CNTN4: variants seen among roughly 807,000 people sequenced by gnomAD.
CNTN4 encodes the protein contactin 4, also known as contactin-4.
In CNTN4, 77 loss-of-function variants were observed where a neutral mutation model predicts 122.5. The ratio of observed to expected loss-of-function variants is 0.63; its 90% confidence interval spans 0.52 to 0.76. CNTN4 has a LOEUF of 0.76. CNTN4 is among the 30% of genes least tolerant of loss of function. The pLI is 0.00. For missense variants in CNTN4, 1,256 were observed against 1,259.1 expected (o/e 1.00, Z 0.04); for synonymous variants, 512 against 447.0 (o/e 1.15, Z -1.83).
At chr3:3,016,550 G>C (rs1351952402) in intron 14 of CNTN4, among the ~76,000 whole-genome samples, 1 of 152,186 alleles carries the variant, frequency 6.6e-6, no homozygotes, top group Non-Finnish European at 1.5e-5. Context: ...ATTATATCTT[G>C]CTTATTAAAA....
intron 4 of CNTN4, among the ~76,000 whole-genome samples, chr3:2,597,829 C>A (rs2080843767): frequency 6.6e-6 from 1 of 152,186 alleles, no homozygotes; most frequent in Non-Finnish European, 1.5e-5. Context: ...TTGTTCCCAT[C>A]TAATCATGTG....
intron 11 of CNTN4, among the ~76,000 whole-genome samples, chr3:2,902,156 T>TTA (rs936368397): frequency 2.0e-5 from 3 of 152,098 alleles, no homozygotes; most frequent in Admixed American, 2.0e-4. Context: ...TAGTACCTCT[T>TTA]TATATATATG....
chr3:2,469,430 A>C (rs2075611009), intron 3 of CNTN4, among the ~76,000 whole-genome samples: 1 of 152,222 alleles, frequency 6.6e-6, no homozygotes. Context: ...TCATAGCTGA[A>C]CATGATGCCT....
In CNTN4 at chr3:2,453,289, C is replaced by G. The variant is rs546707811; in HGVS notation, c.-89+114056C>G. Among the ~76,000 whole-genome samples the G allele has an allele frequency of 1.9e-3, 282 of 152,000 alleles. 2 individuals carry two copies. Among genetic ancestry groups the G allele is most frequent in the African/African-American group, 6.3e-3 (261 of 41,486 alleles). On this transcript the variant is annotated intron_variant, in intron 3 of 24. Coordinates refer to ENST00000418658, the MANE Select transcript of CNTN4 (RefSeq NM_175607.3). ...CAGTTAATTCATTACCTACAGTGAA[C>G]TTTTCATGTGAATGCCAAAACATAA... is the stretch of plus-strand genomic sequence containing the variant.
intron 2 of CNTN4, among the ~76,000 whole-genome samples, chr3:2,146,042 TTACA>T (rs2035233083): frequency 6.6e-6 from 1 of 151,802 alleles, no homozygotes; most frequent in South Asian, 2.1e-4. Context: ...AAGAAAATAG[TTACA>T]TAAATTTAGA....
intron 4 of CNTN4, among the ~76,000 whole-genome samples, chr3:2,674,156 A>G (rs779968907): frequency 6.6e-6 from 1 of 152,252 alleles, no homozygotes; most frequent in African/African-American, 2.4e-5. Flanking sequence ...AAAGCAATAG[A>G]TAATTGAAGT....
chr3:3,020,244 C>A (rs1698165657), intron 14 of CNTN4, among the ~76,000 whole-genome samples: 1 of 152,096 alleles, frequency 6.6e-6, no homozygotes, highest in South Asian at 2.1e-4. Flanking sequence ...TATCTTTAAC[C>A]AACTCTCATG....
At chr3:2,210,749 G>A (rs981145170) in intron 2 of CNTN4, among the ~76,000 whole-genome samples, 3 of 152,032 alleles carry the variant, frequency 2.0e-5, no homozygotes, top group African/African-American at 4.8e-5. Flanking sequence ...TTTGTTTCAC[G>A]GCTTTCTTGA....
intron 3 of CNTN4, among the ~76,000 whole-genome samples, chr3:2,557,602 G>T (rs865889452): frequency 6.6e-6 from 1 of 151,950 alleles, no homozygotes; most frequent in African/African-American, 2.4e-5. Context: ...GGTGGCGGGC[G>T]CCTGTAGTTC....
intron 2 of CNTN4, among the ~76,000 whole-genome samples, chr3:2,209,187 A>G (rs1388327090): frequency 6.6e-6 from 1 of 152,112 alleles, no homozygotes; most frequent in Admixed American, 6.6e-5. Flanking sequence ...CCACTATTTT[A>G]CAGAGCCTCT....
chr3:2,873,932 G>A (rs1277861944), intron 8 of CNTN4, among the ~76,000 whole-genome samples: 1 of 152,144 alleles, frequency 6.6e-6, no homozygotes, highest in Non-Finnish European at 1.5e-5. Context: ...TGCAACCTTT[G>A]TGTGGTTTTG....
chr3:2,824,963 A>C (rs188051637), intron 7 of CNTN4, among the ~76,000 whole-genome samples: 1 of 152,014 alleles, frequency 6.6e-6, no homozygotes, highest in African/African-American at 2.4e-5. Flanking sequence ...GCACTGGCCA[A>C]TTGAAAATAA....
chr3:2,789,368 A>G (rs2091937117), intron 6 of CNTN4, among the ~76,000 whole-genome samples: 2 of 152,252 alleles, frequency 1.3e-5, no homozygotes, highest in East Asian at 1.9e-4. Context: ...CACCCTCATT[A>G]TTAGGAAATT....
intron 3 of CNTN4, among the ~76,000 whole-genome samples, chr3:2,571,184 A>G (rs1356840702): frequency 6.6e-6 from 1 of 152,114 alleles, no homozygotes. Flanking sequence ...TCTTGTCTTC[A>G]CTCAGAAGCC....
chr3:2,257,104 G>C (rs1447789507), intron 2 of CNTN4, among the ~76,000 whole-genome samples: 1 of 152,116 alleles, frequency 6.6e-6, no homozygotes, highest in Non-Finnish European at 1.5e-5. Flanking sequence ...TAGACCAATG[G>C]AATAGAACAG....
At position 2,584,900 on chromosome 3, in the gene CNTN4, G is replaced by A. The variant is rs942223267; in HGVS notation, c.55+13342G>A. On this transcript the variant is annotated intron_variant, in intron 4 of 24. Transcript: ENST00000418658. ...TAGGTAGGTAGATACGAAGTAGGAA[G>A]GTAGGTAGGTAGGTAGGTAGATAGA... 7.9e-5 allele frequency among the ~76,000 whole-genome samples: 12 copies of A among 151,232 alleles called. 1 individual carries two copies. Among genetic ancestry groups the A allele is most frequent in the African/African-American group, 2.7e-4 (11 of 40,968 alleles).
chr3:2,748,512 G>T (rs1291346762), intron 6 of CNTN4, among the ~76,000 whole-genome samples: 1 of 151,996 alleles, frequency 6.6e-6, no homozygotes, highest in Admixed American at 6.5e-5. Context: ...GATATAACAT[G>T]TTGACCAGGA....
chr3:2,525,313 A>G (rs1359635689), intron 3 of CNTN4, among the ~76,000 whole-genome samples: 1 of 152,192 alleles, frequency 6.6e-6, no homozygotes, highest in African/African-American at 2.4e-5. Context: ...TGCTCTGAGA[A>G]AAAATAAAGA....
intron 4 of CNTN4, among the ~76,000 whole-genome samples, chr3:2,642,003 C>G (rs761480049): frequency 2.6e-5 from 4 of 152,250 alleles, no homozygotes; most frequent in Non-Finnish European, 5.9e-5. Flanking sequence ...TCTAGAGGGA[C>G]AGAACTAATA....
Sources: allele counts gnomAD v4.1 joint callset (sites outside exome capture counted in the v4.1 genomes callset), GRCh38; gene constraint gnomAD v4.1.1; transcripts MANE v1.5; gene names NCBI Gene and HGNC (gene_info 2026-07-23, HGNC 2026-07-21).